Variants in BBOX1 observed in about 807,000 individuals in gnomAD.
BBOX1 encodes the protein gamma-butyrobetaine hydroxylase 1.
Under a neutral mutation model 41.6 loss-of-function variants are expected in BBOX1, and 35 were observed. The observed-to-expected ratio is 0.84, with a 90% CI of 0.64 to 1.11. The LOEUF (loss-of-function observed/expected upper bound fraction) is 1.11, where lower values mean the gene tolerates loss of function less well. Ranked by LOEUF, BBOX1 falls within the 50% of genes most tolerant of loss-of-function variation. The probability of loss-of-function intolerance (pLI) is 0.00; values close to 1 mark genes in which losing one functional copy is unlikely to be tolerated. For synonymous variants in BBOX1, 163 were observed against 154.7 expected (o/e 1.05, Z -0.40); for missense variants, 458 against 460.6 (o/e 0.99, Z 0.05).
chr11:27,108,710 G>C (rs73432198), intron 5 of BBOX1, among the ~76,000 whole-genome samples: 1,907 of 152,068 alleles, frequency 0.013, 47 homozygotes, highest in African/African-American at 0.043. Flanking sequence ...ATGGCTGCTT[G>C]ACCCTTAGTG....
At chr11:27,068,140 A>G (rs1857346005) in intron 4 of BBOX1, among the ~76,000 whole-genome samples, 1 of 152,110 alleles carries the variant, frequency 6.6e-6, no homozygotes, top group African/African-American at 2.4e-5. Flanking sequence ...TTAATTCTTT[A>G]AGAAATCTCC....
At chr11:27,100,064 G>C (rs1858590401) in intron 5 of BBOX1, among the ~76,000 whole-genome samples, 1 of 152,038 alleles carries the variant, frequency 6.6e-6, no homozygotes, top group South Asian at 2.1e-4. Flanking sequence ...ACTCCTGTTT[G>C]CATTTCTGAA....
intron 4 of BBOX1, among the ~76,000 whole-genome samples, chr11:27,074,647 T>C (rs1189388387): frequency 6.6e-6 from 1 of 152,216 alleles, no homozygotes; most frequent in Non-Finnish European, 1.5e-5. Flanking sequence ...AAGAAATTTC[T>C]AAGCAGCAAA....
intron 5 of BBOX1, among the ~76,000 whole-genome samples, chr11:27,098,714 G>A (rs116885696): frequency 0.013 from 1,966 of 151,924 alleles, 15 homozygotes; most frequent in Non-Finnish European, 0.02. Flanking sequence ...GAGAGTCCAG[G>A]GAATTATTAT....
At chr11:27,094,250 T>C (rs150617750) in intron 5 of BBOX1, among the ~76,000 whole-genome samples, 3 of 152,116 alleles carry the variant, frequency 2.0e-5, no homozygotes, top group African/African-American at 4.8e-5. Flanking sequence ...GAAACACTTA[T>C]GTAGATGTGG....
chr11:27,062,107 T>C (rs1159663818), intron 4 of BBOX1, among the ~76,000 whole-genome samples: 1 of 152,176 alleles, frequency 6.6e-6, no homozygotes, highest in Non-Finnish European at 1.5e-5. Context: ...CTTTGGAGAA[T>C]CAATCAGTTT....
chr11:27,126,240 G>A (rs1178266248), intron 8 of BBOX1, among the ~76,000 whole-genome samples: 1 of 152,134 alleles, frequency 6.6e-6, no homozygotes, highest in Non-Finnish European at 1.5e-5. Flanking sequence ...ACAATAAAAG[G>A]TGTAATTTCT....
intron 5 of BBOX1, among the ~76,000 whole-genome samples, chr11:27,098,281 C>T (rs1430325789): frequency 6.6e-6 from 1 of 151,952 alleles, no homozygotes; most frequent in Non-Finnish European, 1.5e-5. Flanking sequence ...AAATTCTCTC[C>T]CAGCCTCTGT....
chr11:27,100,379 T>C (rs539809372), intron 5 of BBOX1, among the ~76,000 whole-genome samples: 1 of 152,284 alleles, frequency 6.6e-6, no homozygotes, highest in South Asian at 2.1e-4. Flanking sequence ...TTCTGGGTTA[T>C]GAAAAATCAA....
intron 2 of BBOX1, among the ~76,000 whole-genome samples, chr11:27,046,545 A>C (rs1028964164): frequency 6.6e-6 from 1 of 152,138 alleles, no homozygotes; most frequent in Non-Finnish European, 1.5e-5. Flanking sequence ...GTTTTTCAGA[A>C]CAGGTGAAAC....
chr11:27,090,352 C>T (rs530566975), intron 4 of BBOX1, among the ~76,000 whole-genome samples: 2 of 151,978 alleles, frequency 1.3e-5, no homozygotes, highest in African/African-American at 2.4e-5. Flanking sequence ...GACCATGATG[C>T]CAGCCTGAGT....
intron 5 of BBOX1, among the ~76,000 whole-genome samples, chr11:27,098,119 C>A (rs958304943): frequency 2.0e-5 from 3 of 151,990 alleles, no homozygotes; most frequent in Non-Finnish European, 4.4e-5. Context: ...TGACTACAGA[C>A]AACCTGTGCC....
intron 2 of BBOX1, among the ~76,000 whole-genome samples, chr11:27,050,519 AT>A (rs1191037723): frequency 2.0e-5 from 3 of 152,074 alleles, no homozygotes; most frequent in Non-Finnish European, 4.4e-5. Context: ...GTCTCATTTA[AT>A]TTTTTTGTCA....
chr11:27,123,907 G>T (rs977802334), intron 7 of BBOX1, among the ~76,000 whole-genome samples: 4 of 152,160 alleles, frequency 2.6e-5, no homozygotes, highest in African/African-American at 9.7e-5. Context: ...GAGTCTAAGA[G>T]CCTTTTTGAA....
At chr11:27,078,508 G>C (rs1181840400) in intron 4 of BBOX1, among the ~76,000 whole-genome samples, 2 of 151,956 alleles carry the variant, frequency 1.3e-5, no homozygotes, top group Non-Finnish European at 2.9e-5. Context: ...CCATAAAAAA[G>C]GATGAGTTCA....
chr11:27,085,589 C>CTCTCTT (rs67841390), intron 4 of BBOX1, among the ~76,000 whole-genome samples: 1 of 151,832 alleles, frequency 6.6e-6, no homozygotes, highest in Non-Finnish European at 1.5e-5. Context: ...CTCTCTCTCT[C>CTCTCTT]TCTCTCTGGG....
At chr11:27,071,910 G>T (rs1857461918) in intron 4 of BBOX1, among the ~76,000 whole-genome samples, 1 of 152,082 alleles carries the variant, frequency 6.6e-6, no homozygotes, top group African/African-American at 2.4e-5. Flanking sequence ...AGGTATTGAT[G>T]GGACATATCT....
chr11:27,057,152 G>T, intron 3 of BBOX1, 49 bp from the exon 4 acceptor site: 1 of 1,277,348 alleles, frequency 7.8e-7, no homozygotes, highest in Middle Eastern at 1.9e-4. Flanking sequence ...CAATAGTGGA[G>T]AACGGAAATA....
chr11:27,043,171 C>G (rs946396295), intron 2 of BBOX1, among the ~76,000 whole-genome samples: 3 of 152,096 alleles, frequency 2.0e-5, no homozygotes, highest in Non-Finnish European at 4.4e-5. Context: ...TCACGCCATT[C>G]TCCTGCCTCA....
Sources: gnomAD v4.1 joint callset for allele counts (sites outside exome capture counted in the v4.1 genomes callset) on GRCh38, gnomAD v4.1.1 for gene constraint, MANE v1.5 for transcripts, NCBI Gene and HGNC (gene_info 2026-07-23, HGNC 2026-07-21) for gene names.